The following VWC2 variants were observed in gnomAD, a reference collection of about 807,000 sequenced individuals.
The protein encoded by VWC2 is von Willebrand factor C domain containing 2, also known as brorin.
VWC2 carries 14 observed loss-of-function variants against 29.8 expected under a neutral mutation model. The ratio of observed to expected loss-of-function variants is 0.47; its 90% CI spans 0.31 to 0.74. The LOEUF is 0.74. Among genes scored for constraint, VWC2 ranks in the 30% least tolerant of loss-of-function variants. The probability of loss-of-function intolerance (pLI) is 0.05; values close to 1 mark genes in which losing one functional copy is unlikely to be tolerated. For synonymous variants in VWC2, 213 were observed against 199.0 expected (o/e 1.07, Z -0.59); for missense variants, 457 against 459.8 (o/e 0.99, Z 0.05).
At chr7:49,894,846 C>G (rs1792305286) in intron 3 of VWC2, among the ~76,000 whole-genome samples, 1 of 152,210 alleles carries the variant, frequency 6.6e-6, no homozygotes, top group Non-Finnish European at 1.5e-5. Flanking sequence ...TAAGTGCAAG[C>G]ACCTATCCTG....
At chr7:49,899,029 C>T (rs1294578225) in intron 3 of VWC2, among the ~76,000 whole-genome samples, 3 of 151,814 alleles carry the variant, frequency 2.0e-5, no homozygotes, top group Non-Finnish European at 4.4e-5. Context: ...CATAAATGGG[C>T]TATATACACC....
intron 2 of VWC2, among the ~76,000 whole-genome samples, chr7:49,800,848 C>CA (rs1167626390): frequency 0.055 from 3,370 of 61,534 alleles, 75 homozygotes; most frequent in African/African-American, 0.097. Flanking sequence ...GTTATGGTAG[C>CA]AAAAAAAAAA....
At chr7:49,876,502 A>G (rs1173262549) in intron 3 of VWC2, among the ~76,000 whole-genome samples, 1 of 152,176 alleles carries the variant, frequency 6.6e-6, no homozygotes. Context: ...ATCTATAATT[A>G]TAATTCTCAA....
chr7:49,912,237 G>A lies in VWC2; in HGVS notation c.*52G>A, dbSNP rs771806078. The A allele has an allele frequency of 6.3e-7, 1 of 1,596,910 alleles. No individual in the cohort carries two copies. The highest frequency in any genetic ancestry group is 1.7e-5 in the Admixed American group (1 of 59,458). On this transcript the variant is annotated 3_prime_UTR_variant, in exon 4 of 4. Coordinates refer to ENST00000340652, the MANE Select transcript of VWC2 (RefSeq NM_198570.5). ...TTTTTCTAGAACATTTTACTGATGT[G>A]AACATTCTAGATGACTCTGGGAACT...
chr7:49,780,252 C>T (rs867611024), intron 2 of VWC2, among the ~76,000 whole-genome samples: 1 of 152,254 alleles, frequency 6.6e-6, no homozygotes, highest in Middle Eastern at 3.4e-3. Flanking sequence ...CTATTGCATT[C>T]TGAGAGCTAC....
chr7:49,840,685 C>A (rs751819122), intron 3 of VWC2, among the ~76,000 whole-genome samples: 4 of 152,134 alleles, frequency 2.6e-5, no homozygotes, highest in Non-Finnish European at 5.9e-5. Context: ...TGCTTCAGTG[C>A]AGCTTCAAAA....
chr7:49,807,341 T>C (rs1485673807), intron 3 of VWC2, among the ~76,000 whole-genome samples: 1 of 152,136 alleles, frequency 6.6e-6, no homozygotes, highest in African/African-American at 2.4e-5. Context: ...GCTTGAGAAA[T>C]ATCCAAGAGG....
In VWC2 at chr7:49,775,647, G is replaced by A. The variant is rs1476079271; in HGVS notation, c.212G>A (p.Gly71Asp). 2 of 1,528,778 alleles carry A rather than the reference G, an allele frequency of 1.3e-6. No individual in the cohort carries two copies. Among genetic ancestry groups the A allele is most frequent in the South Asian group, 1.2e-5 (1 of 82,086 alleles). The allele number at this position is 1,528,778 out of a possible 1,614,324, so 94.7% of individuals were successfully genotyped here. ...ELGRPARDEG[G>D]SGRDWKSKSG... ...GGGCGCCCGGCGAGGGACGAGGGCG[G>A]CAGCGGCCGGGACTGGAAGAGCAAG... The change falls in exon 2 of 4, where the codon GGC (glycine) becomes GAC (aspartate). Residue 71 changes from glycine to aspartate, a missense_variant. By Grantham distance (94) the Gly-to-Asp change is moderately conservative. Coordinates refer to ENST00000340652, the MANE Select transcript of VWC2 (RefSeq NM_198570.5).
rs1233568341 is a variant in VWC2, at chr7:49,920,900, G to T, written c.*8715G>T. The T allele has an allele frequency of 6.6e-6, 1 of 152,130 alleles. No homozygotes were observed. The highest frequency in any genetic ancestry group is 1.5e-5 in the Non-Finnish European group (1 of 68,026). The allele number at this position is 152,130 out of a possible 1,614,324, so 9.4% of individuals were successfully genotyped here. A position where few individuals can be genotyped will look rare whatever the true frequency, so the allele number is the denominator to read the frequency against. The stretch of plus-strand genomic sequence containing the variant: ...TCATTTCTAATAGACTGTTATAGGG[G>T]AAATGTACTAAAATGTTGTACTTAT... On this transcript the variant is annotated 3_prime_UTR_variant, in exon 4 of 4. Transcript: ENST00000340652.
At chr7:49,852,740 C>A in intron 3 of VWC2, among the ~76,000 whole-genome samples, 1 of 152,198 alleles carries the variant, frequency 6.6e-6, no homozygotes, top group East Asian at 1.9e-4. Flanking sequence ...TTTAAGTGAT[C>A]GTCTTAATCA....
intron 3 of VWC2, among the ~76,000 whole-genome samples, chr7:49,906,145 T>A (rs899061775): frequency 2.6e-5 from 4 of 152,226 alleles, no homozygotes; most frequent in African/African-American, 9.6e-5. Flanking sequence ...ACTTTCTTAA[T>A]AAACTTGCTT....
chr7:49,919,339 C>A lies in VWC2; in HGVS notation c.*7154C>A, dbSNP rs1265485334. The stretch of plus-strand genomic sequence containing the variant: ...CTTAAACTAATAAAAAAAGCGATGG[C>A]ATCACATGCCATTTTGAACTTTTGC... On this transcript the variant is annotated 3_prime_UTR_variant, in exon 4 of 4. Transcript: ENST00000340652. 6.6e-6 allele frequency: 1 copy of A among 152,180 alleles called. No individual in the cohort carries two copies. The highest frequency in any genetic ancestry group is 2.4e-5 in the African/African-American group (1 of 41,454). The allele number at this position is 152,180 out of a possible 1,614,324, so 9.4% of individuals were successfully genotyped here.
At chr7:49,783,722 C>G (rs1347630165) in intron 2 of VWC2, among the ~76,000 whole-genome samples, 1 of 152,094 alleles carries the variant, frequency 6.6e-6, no homozygotes, top group Admixed American at 6.5e-5. Flanking sequence ...CTCTCAGAAG[C>G]CTTAGGCCTG....
intron 3 of VWC2, among the ~76,000 whole-genome samples, chr7:49,846,777 G>GC (rs1161548329): frequency 6.6e-6 from 1 of 152,190 alleles, no homozygotes; most frequent in Non-Finnish European, 1.5e-5. Context: ...ATATAGGAAT[G>GC]CATACATTTT....
intron 3 of VWC2, among the ~76,000 whole-genome samples, chr7:49,888,063 G>A (rs1791973767): frequency 6.6e-6 from 1 of 152,196 alleles, no homozygotes; most frequent in Admixed American, 6.5e-5. Flanking sequence ...AATTGATCAT[G>A]TACATCTCTG....
chr7:49,903,002 T>TA (rs1792855765), intron 3 of VWC2, among the ~76,000 whole-genome samples: 1 of 149,784 alleles, frequency 6.7e-6, no homozygotes, highest in African/African-American at 2.5e-5. Context: ...AAATGGCAAA[T>TA]AAACACATGA....
At chr7:49,846,249 C>T (rs957070178) in intron 3 of VWC2, among the ~76,000 whole-genome samples, 3 of 152,306 alleles carry the variant, frequency 2.0e-5, no homozygotes, top group African/African-American at 7.2e-5. Flanking sequence ...TTGCTCCAAC[C>T]TGCATGTCGC....
Position 49,880,265 on chromosome 7 carries a change from T to C in VWC2, c.827-31769T>C, listed in dbSNP as rs2128726760. Reference sequence around the variant, plus strand: ...TAAAACATGTTGACACATTTCCATATATAGAACCACACTTGCATTTCTTAA... The same window carrying C: ...TAAAACATGTTGACACATTTCCATACATAGAACCACACTTGCATTTCTTAA... On this transcript the variant is annotated intron_variant, in intron 3 of 3. Transcript: ENST00000340652. 2.0e-5 allele frequency among the ~76,000 whole-genome samples: 3 copies of C among 152,326 alleles called. 1 individual carries two copies. In the South Asian group the frequency reaches 6.2e-4, roughly 32 times the overall value.
At chr7:49,811,288 A>G (rs1009871244) in intron 3 of VWC2, among the ~76,000 whole-genome samples, 1 of 152,218 alleles carries the variant, frequency 6.6e-6, no homozygotes, top group Non-Finnish European at 1.5e-5. Context: ...CCACACCCAA[A>G]TCTCATCTTG....
Sources: gnomAD v4.1 joint callset for allele counts (sites outside exome capture counted in the v4.1 genomes callset) on GRCh38, gnomAD v4.1.1 for gene constraint, MANE v1.5 for transcripts, NCBI Gene and HGNC (gene_info 2026-07-23, HGNC 2026-07-21) for gene names.